Variants in ZBBX observed in about 807,000 individuals in gnomAD.
ZBBX encodes zinc finger B-box domain containing.
A neutral mutation model predicts 108.5 loss-of-function variants in ZBBX; 101 were observed. The observed-to-expected ratio is 0.93, with a 90% confidence interval of 0.79 to 1.10. The LOEUF (loss-of-function observed/expected upper bound fraction) is 1.10. Among genes scored for constraint, ZBBX ranks in the 50% least tolerant of loss-of-function variants. The pLI, the probability that ZBBX is intolerant of heterozygous loss-of-function variation, is 0.00. For missense variants in ZBBX, 1,009 were observed against 941.4 expected, an observed-to-expected ratio of 1.07 and a Z score of -0.94; for synonymous variants, 356 against 323.4, an observed-to-expected ratio of 1.10 and a Z score of -1.08.
At chr3:167,345,013 C>T (rs974522714) in intron 9 of ZBBX, among the ~76,000 whole-genome samples, 3 of 151,888 alleles carry the variant, frequency 2.0e-5, no homozygotes, top group African/African-American at 4.8e-5. Flanking sequence ...GATATAACAA[C>T]TTAACATACC....
the ZBBX span, among the ~76,000 whole-genome samples, chr3:167,225,246 G>C: frequency 6.6e-6 from 1 of 151,810 alleles, no homozygotes; most frequent in South Asian, 2.1e-4. Context: ...GCTGCCATGA[G>C]TTATTTTCCT....
At chr3:167,197,516 C>T in the ZBBX span, among the ~76,000 whole-genome samples, 75 of 151,876 alleles carry the variant, frequency 4.9e-4, no homozygotes, top group African/African-American at 1.6e-3. Flanking sequence ...CCAGTCTGGG[C>T]AACAGAGTGA....
chr3:167,404,438 A>T (rs554292972), intron 1 of ZBBX, among the ~76,000 whole-genome samples: 46 of 152,238 alleles, frequency 3.0e-4, no homozygotes, highest in African/African-American at 1.1e-3. Flanking sequence ...CAGAAAACCA[A>T]TCACTGAGAC....
chr3:167,211,267 C>G, the ZBBX span, among the ~76,000 whole-genome samples: 1 of 152,118 alleles, frequency 6.6e-6, no homozygotes, highest in Non-Finnish European at 1.5e-5. Context: ...CCTTGTGAAC[C>G]CACTCGCTAG....
At position 167,322,109 on chromosome 3, in the gene ZBBX, G is replaced by C; in HGVS notation, c.983+8C>G. 8.0e-7 allele frequency: 1 copy of C among 1,242,386 alleles called. No homozygotes were observed. Among genetic ancestry groups the C allele is most frequent in the Non-Finnish European group, 1.1e-6 (1 of 935,200 alleles). The allele number at this position is 1,242,386 out of a possible 1,614,324, so 77.0% of individuals were successfully genotyped here. A position where few individuals can be genotyped will look rare whatever the true frequency, so the allele number is the denominator to read the frequency against. On this transcript the variant is annotated splice_region_variant and intron_variant, in intron 12 of 21. Coordinates refer to ENST00000675490, the MANE Select transcript of ZBBX (RefSeq NM_001199201.2). ...ATTTCCTAATAGTATTATAATTTCA[G>C]AAAATACCTCCTGTGTTTTTTAAGC... is the stretch of plus-strand genomic sequence containing the variant.
intron 4 of ZBBX, among the ~76,000 whole-genome samples, chr3:167,369,544 A>G (rs115386365): frequency 0.022 from 3,331 of 152,318 alleles, 56 homozygotes; most frequent in South Asian, 0.046. Flanking sequence ...AAAGAGAGGC[A>G]TTTATTTGCA....
intron 6 of ZBBX, among the ~76,000 whole-genome samples, chr3:167,364,688 T>C (rs999570223): frequency 6.6e-6 from 1 of 152,018 alleles, no homozygotes; most frequent in Non-Finnish European, 1.5e-5. Context: ...TTAAAACTTA[T>C]TGAGCTTATT....
rs547129282 is a variant in ZBBX at position 167,380,268 on chromosome 3, G to C, written c.-308C>G. ...CCACCTGGAGACCCCAGCCTCTCGC[G>C]TCACCACCGCCGGATGGCCGCGGAT... On this transcript the variant is annotated 5_prime_UTR_variant, in exon 1 of 22. Coordinates refer to ENST00000675490, the MANE Select transcript of ZBBX (RefSeq NM_001199201.2). 15 of 152,252 alleles carry C rather than the reference G, an allele frequency of 9.9e-5. No individual in the cohort carries two copies. The highest frequency in any genetic ancestry group is 7.9e-4 in the Admixed American group (12 of 15,284). The allele number at this position is 152,252 out of a possible 1,614,324, so 9.4% of individuals were successfully genotyped here.
chr3:167,309,155 C>T (rs931753358), intron 16 of ZBBX, among the ~76,000 whole-genome samples: 3 of 152,214 alleles, frequency 2.0e-5, no homozygotes, highest in African/African-American at 7.2e-5. Flanking sequence ...CTCTGAGATG[C>T]TACTCTGGGT....
At chr3:167,252,822 G>T (rs1722847738) in intron 20 of ZBBX, among the ~76,000 whole-genome samples, 2 of 152,052 alleles carry the variant, frequency 1.3e-5, no homozygotes, top group East Asian at 3.9e-4. Context: ...GGAAAAGCTG[G>T]AATGGCTGAA....
At chr3:167,331,751 A>C (rs1259113278) in intron 10 of ZBBX, 1 of 296,262 alleles carries the variant, frequency 3.4e-6, no homozygotes, top group East Asian at 1.7e-4. Context: ...CCCTGTAAGC[A>C]CATGATATCC....
chr3:167,219,641 G>A, the ZBBX span, among the ~76,000 whole-genome samples: 2 of 151,852 alleles, frequency 1.3e-5, no homozygotes, highest in Non-Finnish European at 2.9e-5. Flanking sequence ...TAACAGGAAA[G>A]TTTATAGCTA....
chr3:167,195,607 T>C, the ZBBX span, among the ~76,000 whole-genome samples: 16 of 152,322 alleles, frequency 1.1e-4, no homozygotes. Context: ...AATTCTTATA[T>C]TGCAGAGTCA....
chr3:167,274,719 G>A (rs968249114), intron 20 of ZBBX, among the ~76,000 whole-genome samples: 11 of 152,178 alleles, frequency 7.2e-5, no homozygotes, highest in East Asian at 3.9e-4. Context: ...GAAACTGCAC[G>A]TCTCACAAGC....
At chr3:167,315,685 A>G (rs1356970492) in intron 15 of ZBBX, 65 bp downstream of exon 15, 1 of 1,128,446 alleles carries the variant, frequency 8.9e-7, no homozygotes, top group Non-Finnish European at 1.3e-6. Context: ...AAAAAGACAG[A>G]TGATTTTGTG....
intron 1 of ZBBX, among the ~76,000 whole-genome samples, chr3:167,388,420 T>C (rs1747986595): frequency 6.6e-6 from 1 of 151,808 alleles, no homozygotes; most frequent in Non-Finnish European, 1.5e-5. Flanking sequence ...CTGATTTATA[T>C]TTTTATAAGA....
intron 20 of ZBBX, among the ~76,000 whole-genome samples, chr3:167,259,102 T>C (rs553243756): frequency 2.7e-5 from 2 of 73,722 alleles, no homozygotes; most frequent in East Asian, 1.3e-3. Flanking sequence ...CGTCTGGTCA[T>C]GGACCCTTTT....
rs762796500 is a variant in ZBBX, at chr3:167,328,102, C to T, written c.702G>A (p.Thr234=). The change falls in exon 11 of 22, where the codon ACG becomes ACA. Residue 234 remains threonine, a synonymous_variant. Coordinates refer to ENST00000675490, the MANE Select transcript of ZBBX (RefSeq NM_001199201.2). ...GTTTTGTACGTTGTGCTCTTTTCATCGTTGTAATTTCTACCTAATTAAAAG... is the reference window on the plus strand; with the variant it reads ...GTTTTGTACGTTGTGCTCTTTTCATTGTTGTAATTTCTACCTAATTAAAAG... ...QRSSSEVEIT[T]MKRAQRTKPR... is the part of the protein sequence containing the mutation. 1.2e-6 allele frequency: 2 copies of T among 1,610,024 alleles called. No individual in the cohort carries two copies. Among genetic ancestry groups the T allele is most frequent in the East Asian group, 2.2e-5 (1 of 44,844 alleles).
chr3:167,334,051 A>T, intron 9 of ZBBX, 66 bp from the exon 10 acceptor site: 10 of 1,080,466 alleles, frequency 9.3e-6, no homozygotes, highest in Non-Finnish European at 1.2e-5. Context: ...TATATACATT[A>T]ACTCATATTT....
Sources: gnomAD v4.1 joint callset for allele counts (sites outside exome capture counted in the v4.1 genomes callset) on GRCh38, gnomAD v4.1.1 for gene constraint, MANE v1.5 for transcripts, NCBI Gene and HGNC (gene_info 2026-07-23, HGNC 2026-07-21) for gene names.